Variants in TAS2R1 observed in about 807,000 individuals in gnomAD.
TAS2R1 encodes taste 2 receptor member 1, also known as taste receptor type 2 member 1.
For missense variants in TAS2R1, 370 were observed against 353.4 expected (o/e 1.05, Z -0.38); for synonymous variants, 141 against 134.2 (o/e 1.05, Z -0.35).
At chr5:9,711,957 T>C (rs173765) in intron 1 of TAS2R1, among the ~76,000 whole-genome samples, 46,504 of 144,458 alleles carry the variant, frequency 0.32, 7,474 homozygotes, top group African/African-American at 0.37. Context: ...TGAGCCACTG[T>C]GCCCAGCCTT....
the TAS2R1 span, among the ~76,000 whole-genome samples, chr5:9,723,041 A>G: frequency 6.6e-6 from 1 of 152,242 alleles, no homozygotes; most frequent in Non-Finnish European, 1.5e-5. Flanking sequence ...GGATAGAGTG[A>G]AAGCAGGATG....
the TAS2R1 span, among the ~76,000 whole-genome samples, chr5:9,900,021 T>A: frequency 6.6e-6 from 1 of 152,188 alleles, no homozygotes; most frequent in Non-Finnish European, 1.5e-5. Context: ...TGCCCAAAAG[T>A]GCATTCGCTT....
At chr5:9,755,587 C>CAAA in the TAS2R1 span, among the ~76,000 whole-genome samples, 6 of 94,838 alleles carry the variant, frequency 6.3e-5, no homozygotes, top group East Asian at 2.5e-4. Flanking sequence ...ACTCCATCTC[C>CAAA]AAAAAAAAAA....
At chr5:9,892,880 T>C in the TAS2R1 span, among the ~76,000 whole-genome samples, 17 of 152,252 alleles carry the variant, frequency 1.1e-4, no homozygotes, top group East Asian at 2.1e-3. Context: ...TCCCTTATCT[T>C]TTCACAGACC....
chr5:9,649,828 T>C (rs1488132024), intron 2 of TAS2R1, among the ~76,000 whole-genome samples: 1 of 152,198 alleles, frequency 6.6e-6, no homozygotes, highest in African/African-American at 2.4e-5. Context: ...GATGAGTTAA[T>C]ATCTGTCATT....
the TAS2R1 span, among the ~76,000 whole-genome samples, chr5:9,885,216 G>C: frequency 6.6e-6 from 1 of 152,104 alleles, no homozygotes; most frequent in Non-Finnish European, 1.5e-5. Flanking sequence ...CTGTAATGTT[G>C]AATAAATTAT....
At chr5:9,824,844 GAAA>G in the TAS2R1 span, among the ~76,000 whole-genome samples, 10 of 132,708 alleles carry the variant, frequency 7.5e-5, no homozygotes, top group African/African-American at 2.9e-4. Context: ...TGAAAACTCT[GAAA>G]AAAAAAAAAA....
the TAS2R1 span, among the ~76,000 whole-genome samples, chr5:9,794,823 T>C: frequency 1.3e-5 from 2 of 152,224 alleles, no homozygotes; most frequent in Non-Finnish European, 1.5e-5. Context: ...CAGCTAAGTT[T>C]AGAGTCCTGC....
the TAS2R1 span, among the ~76,000 whole-genome samples, chr5:9,901,695 T>C: frequency 6.6e-6 from 1 of 152,152 alleles, no homozygotes; most frequent in South Asian, 2.1e-4. Context: ...TGTGGGAAAA[T>C]AATTTCAACT....
At chr5:9,727,896 C>T in the TAS2R1 span, among the ~76,000 whole-genome samples, 1 of 152,150 alleles carries the variant, frequency 6.6e-6, no homozygotes, top group Non-Finnish European at 1.5e-5. Context: ...TGCCCAAGCC[C>T]AGTGAGCATG....
chr5:9,628,903 A>G lies in TAS2R1; in HGVS notation c.*230T>C, dbSNP rs1739810792. On this transcript the variant is annotated 3_prime_UTR_variant, in exon 1 of 1. Transcript: ENST00000382492. The stretch of plus-strand genomic sequence containing the variant: ...TGCACGATGATAGTACAATATCACT[A>G]CCAGGATATTGAAATTGATGTAATC... 4 of 407,144 alleles carry G rather than the reference A, an allele frequency of 9.8e-6. No individual in the cohort carries two copies. Among genetic ancestry groups the G allele is most frequent in the Non-Finnish European group, 1.7e-5 (4 of 231,598 alleles). The allele number at this position is 407,144 out of a possible 1,614,324, so 25.2% of individuals were successfully genotyped here.
chr5:9,775,182 C>T, the TAS2R1 span, among the ~76,000 whole-genome samples: 12 of 152,170 alleles, frequency 7.9e-5, no homozygotes, highest in Admixed American at 1.3e-4. Flanking sequence ...CCCCTTTCTG[C>T]ACACAAAGGA....
At chr5:9,726,915 G>A in the TAS2R1 span, among the ~76,000 whole-genome samples, 1 of 152,174 alleles carries the variant, frequency 6.6e-6, no homozygotes, top group Non-Finnish European at 1.5e-5. Context: ...TTTTCACACT[G>A]GTTTACCTAC....
the TAS2R1 span, among the ~76,000 whole-genome samples, chr5:9,725,363 G>A: frequency 6.6e-6 from 1 of 152,246 alleles, no homozygotes; most frequent in East Asian, 1.9e-4. Flanking sequence ...GCCAGTGGGA[G>A]TTCTGGGTAG....
At chr5:9,649,781 G>A (rs971331908) in intron 2 of TAS2R1, among the ~76,000 whole-genome samples, 1 of 152,184 alleles carries the variant, frequency 6.6e-6, no homozygotes, top group Non-Finnish European at 1.5e-5. Context: ...GCTTCAAGGA[G>A]AAGAAAATTT....
chr5:9,725,632 C>T, the TAS2R1 span, among the ~76,000 whole-genome samples: 5 of 152,142 alleles, frequency 3.3e-5, no homozygotes, highest in Admixed American at 1.3e-4. Flanking sequence ...GGCTTCTGTG[C>T]GGCCCCAGCC....
the TAS2R1 span, among the ~76,000 whole-genome samples, chr5:9,779,309 G>A: frequency 5.4e-4 from 82 of 152,292 alleles, no homozygotes; most frequent in African/African-American, 1.9e-3. Context: ...GTACATGCCA[G>A]TGTCATGCTT....
At chr5:9,806,660 AT>A in the TAS2R1 span, among the ~76,000 whole-genome samples, 1 of 152,080 alleles carries the variant, frequency 6.6e-6, no homozygotes, top group Non-Finnish European at 1.5e-5. Context: ...AGGCCACCCT[AT>A]TCAACAAATG....
the TAS2R1 span, among the ~76,000 whole-genome samples, chr5:9,862,301 C>T: frequency 6.6e-6 from 1 of 152,134 alleles, no homozygotes; most frequent in Non-Finnish European, 1.5e-5. Flanking sequence ...GCTTTGAGAG[C>T]AAACCTTCCT....
Sources: allele counts gnomAD v4.1 joint callset (sites outside exome capture counted in the v4.1 genomes callset), GRCh38; gene constraint gnomAD v4.1.1; transcripts MANE v1.5; gene names NCBI Gene and HGNC (gene_info 2026-07-23, HGNC 2026-07-21).